The following SPEF1 variants were observed in gnomAD, a reference collection of about 807,000 sequenced individuals.
SPEF1 encodes the protein sperm flagella and cilia-associated protein 1.
Under a neutral mutation model 31.8 loss-of-function variants are expected in SPEF1, and 30 were observed. The observed-to-expected ratio is 0.94, with a 90% CI of 0.70 to 1.28. SPEF1 has a LOEUF of 1.28. Ranked by LOEUF, SPEF1 falls within the 50% of genes most tolerant of loss-of-function variation. The probability of loss-of-function intolerance (pLI) is 0.00; values close to 1 mark genes in which losing one functional copy is unlikely to be tolerated. For missense variants in SPEF1, 298 were observed against 309.6 expected (o/e 0.96, Z 0.28); for synonymous variants, 126 against 130.1 (o/e 0.97, Z 0.21).
rs2088760087 is a variant in SPEF1, at chr20:3,778,554, G to A, written c.480-10C>T. 2 of 1,600,568 alleles carry A rather than the reference G, an allele frequency of 1.2e-6. No individual in the cohort carries two copies. The highest frequency in any genetic ancestry group is 2.2e-5 in the South Asian group (2 of 90,118). ...CGGCGGCCGGTCCCAGCTGGGGTGG[G>A]AAGCAGCTTAGCGGAGGCTTGGACC... On this transcript the variant is annotated splice_polypyrimidine_tract_variant and intron_variant, in intron 5 of 6. Coordinates refer to ENST00000379756, the MANE Select transcript of SPEF1 (RefSeq NM_015417.5).
At chr20:3,778,651 C>A (rs2088760989) in intron 5 of SPEF1, 95 bp downstream of exon 5, 1 of 1,575,118 alleles carries the variant, frequency 6.3e-7, no homozygotes. Flanking sequence ...CCCTTTCCTG[C>A]CTCCCGTCTC....
At chr20:3,780,577 C>T (rs1436245417) in intron 1 of SPEF1, among the ~76,000 whole-genome samples, 1 of 152,136 alleles carries the variant, frequency 6.6e-6, no homozygotes, top group Admixed American at 6.6e-5. Flanking sequence ...ATGCTAGACA[C>T]ACATAGGCAC....
At chr20:3,779,489 T>C in intron 2 of SPEF1, 137 bp from the exon 3 acceptor site, 1 of 905,400 alleles carries the variant, frequency 1.1e-6, no homozygotes, top group Non-Finnish European at 1.7e-6. Flanking sequence ...GCATCTGAGC[T>C]TCCTTGTGTG....
chr20:3,778,263 C>T lies in SPEF1; in HGVS notation c.660G>A (p.Arg220=), dbSNP rs1451407439. ...LEHLLQLKNV[R]IEDLSRRLQQ... ...GGAGCCGCCGGGAGAGGTCTTCGAT[C>T]CGCACATTCTTGAGCTGGAGCAGGT... Residue 220 remains arginine (R), a synonymous_variant, in exon 7 of 7, where the codon CGG becomes CGA. Transcript: ENST00000379756. 6.2e-7 allele frequency: 1 copy of T among 1,611,598 alleles called. No individual in the cohort carries two copies.
chr20:3,779,418 G>T, intron 2 of SPEF1, 66 bp from the exon 3 acceptor site: 1 of 1,381,412 alleles, frequency 7.2e-7, no homozygotes, highest in Non-Finnish European at 1.0e-6. Context: ...ATGGGGGAGA[G>T]GGAAGGGGGC....
intron 5 of SPEF1, 62 bp from the exon 6 acceptor site, chr20:3,778,606 G>T: frequency 6.4e-7 from 1 of 1,564,154 alleles, no homozygotes; most frequent in Non-Finnish European, 8.6e-7. Context: ...CCCTTCCAGG[G>T]CCCTCGACCA....
rs7362264 is a variant in SPEF1, at chr20:3,781,245, G to A, written c.43C>T (p.Leu15=). The change falls in exon 1 of 7, where the codon CTG becomes TTG. Residue 15 remains leucine, a synonymous_variant. Transcript: ENST00000379756. ...VDEEALHQLY[L]WVDNIPLSRP... is the part of the protein sequence containing the mutation. The stretch of plus-strand genomic sequence containing the variant: ...GACAGAGGGATGTTGTCTACCCACA[G>A]GTACAGCTGGTGCAGCGCCTCCTCG... The A allele has an allele frequency of 6.2e-7, 1 of 1,614,200 alleles. No homozygotes were observed.
intron 1 of SPEF1, among the ~76,000 whole-genome samples, chr20:3,780,832 A>C (rs542817083): frequency 6.6e-6 from 1 of 152,318 alleles, no homozygotes; most frequent in African/African-American, 2.4e-5. Context: ...GAACACACAC[A>C]TGCTCAGACT....
intron 1 of SPEF1, 90 bp downstream of exon 1, chr20:3,781,089 C>A: frequency 6.4e-7 from 1 of 1,560,064 alleles, no homozygotes; most frequent in South Asian, 1.2e-5. Flanking sequence ...CTCCCCACTC[C>A]CACAAGCACA....
rs1024948658 is a variant in SPEF1 at position 3,778,757 on chromosome 20, C to A, written c.468G>T (p.Gly156=). ...RGEGVPDPQG[G]GQLSWDRPPA... ...CCCAGCTTCTTTACCTGAGCTGACC[C>A]CCTCCCTGGGGGTCCGGGACACCTT... The change falls in exon 5 of 7, where the codon GGG becomes GGT. Residue 156 remains glycine, a synonymous_variant. Transcript: ENST00000379756. 8 of 1,613,794 alleles carry A rather than the reference C, an allele frequency of 5.0e-6. No individual in the cohort carries two copies. In the African/African-American group the frequency reaches 9.3e-5, roughly 19 times the overall value.
At position 3,781,351 on chromosome 20, in the gene SPEF1, A is replaced by G. The variant is rs2088778642; in HGVS notation, c.-64T>C. The G allele has an allele frequency of 6.4e-7, 1 of 1,563,920 alleles. No homozygotes were observed. The highest frequency in any genetic ancestry group is 8.6e-7 in the Non-Finnish European group (1 of 1,156,490). On this transcript the variant is annotated 5_prime_UTR_variant, in exon 1 of 7. The change abolishes the stop of an existing upstream ORF in the 5' untranslated region. Transcript: ENST00000379756. ...TCCCGCCCCAGCCTCACGACCCTTC[A>G]GGCGCTTCCTTTCTCGCCACTGCAG...
intron 1 of SPEF1, among the ~76,000 whole-genome samples, chr20:3,780,443 C>T (rs915097276): frequency 2.7e-5 from 4 of 150,380 alleles, no homozygotes; most frequent in African/African-American, 9.8e-5. Context: ...CACACACACA[C>T]ACACACACTC....
At position 3,777,691 on chromosome 20, in the gene SPEF1, G is replaced by C. The variant is rs1474208834; in HGVS notation, c.*521C>G. 6.6e-6 allele frequency: 1 copy of C among 152,612 alleles called. No homozygotes were observed. Among genetic ancestry groups the C allele is most frequent in the Non-Finnish European group, 1.5e-5 (1 of 68,328 alleles). The allele number at this position is 152,612 out of a possible 1,614,324, so 9.5% of individuals were successfully genotyped here. A position where few individuals can be genotyped will look rare whatever the true frequency, so the allele number is the denominator to read the frequency against. ...TGCTGCGGTCTCCGTCGCCGAGGTG[G>C]GTCCCAGGTAAGCTCCCAGGAGGGG... On this transcript the variant is annotated 3_prime_UTR_variant, in exon 7 of 7. Transcript: ENST00000379756. The surrounding 1 kb of genome is among the most constrained non-coding windows in gnomAD (Gnocchi z 4.1).
chr20:3,778,207 G>A lies in SPEF1; in HGVS notation c.*5C>T, dbSNP rs1263311772. On this transcript the variant is annotated 3_prime_UTR_variant, in exon 7 of 7. Transcript: ENST00000379756. ...CGGGCGTCCCCGCGCGGCCCGGGCC[G>A]CCGCTCACCGCTGCTTACGCTCCGC... 2 of 1,558,630 alleles carry A rather than the reference G, an allele frequency of 1.3e-6. No homozygotes were observed. Among genetic ancestry groups the A allele is most frequent in the Admixed American group, 4.0e-5 (2 of 50,152 alleles).
chr20:3,778,059 C>T lies in SPEF1; in HGVS notation c.*153G>A, dbSNP rs537380850. ...CTGTCCCATCTCCTCCCACGCTCACCCATCCCAAGGAAGGAGGGCACTCGG... is the reference window on the plus strand; with the variant it reads ...CTGTCCCATCTCCTCCCACGCTCACTCATCCCAAGGAAGGAGGGCACTCGG... On this transcript the variant is annotated 3_prime_UTR_variant, in exon 7 of 7. Coordinates refer to ENST00000379756, the MANE Select transcript of SPEF1 (RefSeq NM_015417.5). 1.2e-5 allele frequency: 7 copies of T among 605,870 alleles called. No individual in the cohort carries two copies. The highest frequency in any genetic ancestry group is 2.0e-5 in the Non-Finnish European group (7 of 351,540). 37.5% of individuals were successfully genotyped at this position (605,870 alleles called of 1,614,324 possible). A position where few individuals can be genotyped will look rare whatever the true frequency, so the allele number is the denominator to read the frequency against.
intron 1 of SPEF1, 126 bp downstream of exon 1, chr20:3,781,053 A>G: frequency 7.8e-7 from 1 of 1,278,534 alleles, no homozygotes; most frequent in Non-Finnish European, 1.1e-6. Flanking sequence ...ACACATCTAA[A>G]ATTTGAAGTC....
At chr20:3,781,123 G>C (rs1321460840) in intron 1 of SPEF1, 56 bp downstream of exon 1, 2 of 1,599,218 alleles carry the variant, frequency 1.3e-6, no homozygotes, top group Non-Finnish European at 8.6e-7. Context: ...TTTGCACAGA[G>C]ACCCGTTACA....
chr20:3,780,636 C>T (rs2088774133), intron 1 of SPEF1, among the ~76,000 whole-genome samples: 1 of 152,176 alleles, frequency 6.6e-6, no homozygotes, highest in Non-Finnish European at 1.5e-5. Flanking sequence ...CATATGCACA[C>T]AGCCTCCCCA....
At position 3,779,671 on chromosome 20, in the gene SPEF1, G is replaced by A. The variant is rs764239984; in HGVS notation, c.214C>T (p.Leu72=). The part of the protein sequence containing the change: ...LQQKLSNWGH[L]NRKVLKRLNF... The stretch of plus-strand genomic sequence containing the variant: ...GCACAGGTATTCTGCTACCTGTTCA[G>A]ATGACCCCAGTTGCTGAGCTTCTGC... The change falls in exon 2 of 7, where the codon CTG becomes TTG. Residue 72 remains leucine, a synonymous_variant. Transcript: ENST00000379756. 1 of 1,609,570 alleles carries A rather than the reference G, an allele frequency of 6.2e-7. No individual in the cohort carries two copies.
Sources: allele counts gnomAD v4.1 joint callset (sites outside exome capture counted in the v4.1 genomes callset), GRCh38; gene constraint gnomAD v4.1.1; non-coding constraint Gnocchi (gnomAD v3.1); transcripts MANE v1.5; gene names NCBI Gene and HGNC (gene_info 2026-07-23, HGNC 2026-07-21).